Variants in CARHSP1 observed in about 807,000 individuals in gnomAD.
CARHSP1 encodes the protein calcium-regulated heat-stable protein 1.
CARHSP1 carries 14 observed loss-of-function variants against 12.5 expected under a neutral mutation model. The ratio of observed to expected loss-of-function variants is 1.12; its 90% confidence interval spans 0.74 to 1.75. The LOEUF is 1.75. Among genes scored for constraint, CARHSP1 ranks in the 40% most tolerant of loss-of-function variants. The pLI is 0.00. For synonymous variants in CARHSP1, 161 were observed against 82.0 expected, an observed-to-expected ratio of 1.96 and a Z score of -5.20; for missense variants, 343 against 201.6, an observed-to-expected ratio of 1.70 and a Z score of -4.25.
At chr16:8,866,589 G>A (rs2061459504) in intron 1 of CARHSP1, 1 of 326,872 alleles carries the variant, frequency 3.1e-6, no homozygotes, top group Non-Finnish European at 4.4e-6. Flanking sequence ...AGCGATAGAG[G>A]CCGAGAACGA....
chr16:8,861,989 CTTTTTT>C (rs537614451), intron 1 of CARHSP1, among the ~76,000 whole-genome samples: 1,951 of 79,772 alleles, frequency 0.024, 57 homozygotes, highest in African/African-American at 0.073. Flanking sequence ...GCATAGCTGA[CTTTTTT>C]TTTTTTTTTT....
intron 2 of CARHSP1, 156 bp from the exon 3 acceptor site, chr16:8,858,628 G>T (rs892663991): frequency 1.1e-6 from 1 of 900,244 alleles, no homozygotes; most frequent in East Asian, 2.7e-5. Flanking sequence ...TCAACCCTGG[G>T]AGCCGCTCAC....
chr16:8,853,351 C>G lies in CARHSP1; in HGVS notation c.*1813G>C, dbSNP rs2060998205. On this transcript the variant is annotated 3_prime_UTR_variant, in exon 4 of 4. Coordinates refer to ENST00000311052, the MANE Select transcript of CARHSP1 (RefSeq NM_014316.4). Reference sequence around the variant, plus strand: ...TTCAAGGCTGGAGAGAAAAGGCCACCTTTGACCCAGCAGAAGGCAGAGGCG... The same window carrying G: ...TTCAAGGCTGGAGAGAAAAGGCCACGTTTGACCCAGCAGAAGGCAGAGGCG... The G allele has an allele frequency of 6.6e-6, 1 of 152,212 alleles. No homozygotes were observed. The highest frequency in any genetic ancestry group is 1.5e-5 in the Non-Finnish European group (1 of 68,162). 9.4% of individuals were successfully genotyped at this position (152,212 alleles called of 1,614,324 possible). A position where few individuals can be genotyped will look rare whatever the true frequency, so the allele number is the denominator to read the frequency against.
intron 1 of CARHSP1, chr16:8,860,532 C>G: frequency 1.1e-5 from 11 of 985,412 alleles, no homozygotes; most frequent in Non-Finnish European, 1.3e-5. Context: ...GTCAGAGGCC[C>G]TTGGGTAAGT....
At chr16:8,857,664 A>G (rs1460820348) in intron 3 of CARHSP1, 1 of 145,204 alleles carries the variant, frequency 6.9e-6, no homozygotes, top group Non-Finnish European at 1.5e-5. Flanking sequence ...ATGTCGGCTC[A>G]CTGCAACCTC....
At chr16:8,861,288 G>A (rs565317744) in intron 1 of CARHSP1, among the ~76,000 whole-genome samples, 13 of 144,214 alleles carry the variant, frequency 9.0e-5, no homozygotes, top group African/African-American at 3.3e-4. Context: ...CAAAGTGCTA[G>A]GATTACAGGC....
rs979200706 is a variant in CARHSP1, at chr16:8,853,212, G to A, written c.*1952C>T. ...GCTGACAAAGGATTCTGCCAAGACA[G>A]AATCCCAGGGTCACAGGAGAGAGGC... On this transcript the variant is annotated 3_prime_UTR_variant, in exon 4 of 4. Transcript: ENST00000311052. 3 of 152,148 alleles carry A rather than the reference G, an allele frequency of 2.0e-5. No homozygotes were observed. Among genetic ancestry groups the A allele is most frequent in the African/African-American group, 7.2e-5 (3 of 41,402 alleles). The allele number at this position is 152,148 out of a possible 1,614,324, so 9.4% of individuals were successfully genotyped here.
chr16:8,861,783 A>T, intron 1 of CARHSP1: 1 of 1,266,606 alleles, frequency 7.9e-7, no homozygotes, highest in Non-Finnish European at 1.0e-6. Flanking sequence ...CGCATGACCT[A>T]CCAGCACAGG....
In CARHSP1 at chr16:8,853,965, A is replaced by G. The variant is rs1469002485; in HGVS notation, c.*1199T>C. ...ACCGGGTGTGGTGGCGCATGCCTGT[A>G]ATCCCAGCTACTCAGGAGACTGAGG... On this transcript the variant is annotated 3_prime_UTR_variant, in exon 4 of 4. Coordinates refer to ENST00000311052, the MANE Select transcript of CARHSP1 (RefSeq NM_014316.4). The G allele has an allele frequency of 6.6e-6, 1 of 152,218 alleles. No homozygotes were observed. The highest frequency in any genetic ancestry group is 1.9e-4 in the East Asian group (1 of 5,186). The allele number at this position is 152,218 out of a possible 1,614,324, so 9.4% of individuals were successfully genotyped here. A position where few individuals can be genotyped will look rare whatever the true frequency, so the allele number is the denominator to read the frequency against.
At chr16:8,865,400 G>A (rs770878748) in intron 1 of CARHSP1, among the ~76,000 whole-genome samples, 5 of 152,108 alleles carry the variant, frequency 3.3e-5, no homozygotes, top group Non-Finnish European at 4.4e-5. Flanking sequence ...ATGAGCCACC[G>A]TGCCCAGCCA....
In CARHSP1 at chr16:8,857,274, T is replaced by TTTTTTTG. The variant is rs2061157398; in HGVS notation, c.281+1075_281+1076insCAAAAAA. On this transcript the variant is annotated intron_variant, in intron 3 of 3. Coordinates refer to ENST00000311052, the MANE Select transcript of CARHSP1 (RefSeq NM_014316.4). ...TCTTGGGCAGATCTGTTTTTTTTTT[T>TTTTTTTG]TTTTTTTTTTTTTTTTTTTTTTTTT... Among the ~76,000 whole-genome samples, 5 of 97,524 alleles carry TTTTTTTG rather than the reference T, an allele frequency of 5.1e-5. 1 individual carries two copies. Among genetic ancestry groups the TTTTTTTG allele is most frequent in the South Asian group, 7.6e-4 (2 of 2,620 alleles). 64.0% of individuals were successfully genotyped at this position (97,524 alleles called of 152,430 possible).
rs371479986 is a variant in CARHSP1 at position 8,866,386 on chromosome 16, G to T, written c.-8+2580C>A. On this transcript the variant is annotated intron_variant, in intron 1 of 3. Transcript: ENST00000311052. Reference sequence around the variant, plus strand: ...GGAGGTGGAAGGGAAATGGCGCAGGGATCGGGGTGAGACTCTAGCAGAGTA... The same window carrying T: ...GGAGGTGGAAGGGAAATGGCGCAGGTATCGGGGTGAGACTCTAGCAGAGTA... The T allele has an allele frequency of 1.2e-5, 12 of 960,566 alleles. No homozygotes were observed. In the African/African-American group the frequency reaches 1.8e-4, roughly 14 times the overall value. The allele number at this position is 960,566 out of a possible 1,614,324, so 59.5% of individuals were successfully genotyped here.
At chr16:8,858,511 C>G (rs371399625) in intron 2 of CARHSP1, 39 bp from the exon 3 acceptor site, 1 of 1,605,222 alleles carries the variant, frequency 6.2e-7, no homozygotes, top group Admixed American at 1.7e-5. Flanking sequence ...CCCATCAGCG[C>G]TCCTGGGCAC....
chr16:8,857,095 G>C (rs1302961244), intron 3 of CARHSP1, among the ~76,000 whole-genome samples: 1 of 152,010 alleles, frequency 6.6e-6, no homozygotes, highest in Non-Finnish European at 1.5e-5. Context: ...CAGCCTCATG[G>C]GGTGTCCTTG....
Position 8,854,691 on chromosome 16 carries a change from G to T in CARHSP1, c.*473C>A, listed in dbSNP as rs924173274. On this transcript the variant is annotated 3_prime_UTR_variant, in exon 4 of 4. Coordinates refer to ENST00000311052, the MANE Select transcript of CARHSP1 (RefSeq NM_014316.4). ...ACTGCTTTGCCCAGGCCCCAGGAGA[G>T]GCGCAAGGGGCACTTAGGTGGAAAT... 1 of 153,218 alleles carries T rather than the reference G, an allele frequency of 6.5e-6. No individual in the cohort carries two copies. The highest frequency in any genetic ancestry group is 6.5e-5 in the Admixed American group (1 of 15,274). The allele number at this position is 153,218 out of a possible 1,614,324, so 9.5% of individuals were successfully genotyped here. A position where few individuals can be genotyped will look rare whatever the true frequency, so the allele number is the denominator to read the frequency against.
At position 8,853,769 on chromosome 16, in the gene CARHSP1, T is replaced by A. The variant is rs1281806517; in HGVS notation, c.*1395A>T. The A allele has an allele frequency of 6.6e-6, 1 of 152,140 alleles. No homozygotes were observed. The highest frequency in any genetic ancestry group is 1.5e-5 in the Non-Finnish European group (1 of 68,018). The allele number at this position is 152,140 out of a possible 1,614,324, so 9.4% of individuals were successfully genotyped here. On this transcript the variant is annotated 3_prime_UTR_variant, in exon 4 of 4. Transcript: ENST00000311052. ...AACCACAGCAAAGATAACCTAAGGA[T>A]TTGTTTACCAGAAATACCTACAAAA...
In CARHSP1 at chr16:8,855,033, G is replaced by A. The variant is rs1341734789; in HGVS notation, c.*131C>T. The A allele has an allele frequency of 6.9e-6, 4 of 583,730 alleles. No homozygotes were observed. Among genetic ancestry groups the A allele is most frequent in the Non-Finnish European group, 1.0e-5 (4 of 386,958 alleles). 36.2% of individuals were successfully genotyped at this position (583,730 alleles called of 1,614,324 possible). Reference sequence around the variant, plus strand: ...CCTGCCCCCCATACCCCTTCCTCCAGGAGATACTTGAGAGGGACCATGCCC... The same window carrying A: ...CCTGCCCCCCATACCCCTTCCTCCAAGAGATACTTGAGAGGGACCATGCCC... On this transcript the variant is annotated 3_prime_UTR_variant, in exon 4 of 4. Transcript: ENST00000311052.
At position 8,858,015 on chromosome 16, in the gene CARHSP1, G is replaced by A. The variant is rs548450315; in HGVS notation, c.281+335C>T. The A allele has an allele frequency of 3.4e-4, 82 of 242,794 alleles. No individual in the cohort carries two copies. The East Asian group carries it at 6.8e-3, about 20-fold the overall frequency. The allele number at this position is 242,794 out of a possible 1,614,324, so 15.0% of individuals were successfully genotyped here. ...CCTGACCTCGTGATCCACCCACCTC[G>A]GCCTCCCAAAGTGCTGGGATTACAG... On this transcript the variant is annotated intron_variant, in intron 3 of 3. Coordinates refer to ENST00000311052, the MANE Select transcript of CARHSP1 (RefSeq NM_014316.4).
rs1272077486 is a variant in CARHSP1 at position 8,853,482 on chromosome 16, A to ATGCT, written c.*1681_*1682insAGCA. 14 of 152,262 alleles carry ATGCT rather than the reference A, an allele frequency of 9.2e-5. No individual in the cohort carries two copies. The highest frequency in any genetic ancestry group is 8.5e-4 in the Admixed American group (13 of 15,286). The allele number at this position is 152,262 out of a possible 1,614,324, so 9.4% of individuals were successfully genotyped here. A position where few individuals can be genotyped will look rare whatever the true frequency, so the allele number is the denominator to read the frequency against. ...TTGTCTCCACACACTCGCAATCAACATGCGTATTTGCTATTCTCAAACAAC... is the reference window on the plus strand; with the variant it reads ...TTGTCTCCACACACTCGCAATCAACATGCTTGCGTATTTGCTATTCTCAAACAAC... On this transcript the variant is annotated 3_prime_UTR_variant, in exon 4 of 4. Coordinates refer to ENST00000311052, the MANE Select transcript of CARHSP1 (RefSeq NM_014316.4).
Sources: allele counts gnomAD v4.1 joint callset (sites outside exome capture counted in the v4.1 genomes callset), GRCh38; gene constraint gnomAD v4.1.1; transcripts MANE v1.5; gene names NCBI Gene and HGNC (gene_info 2026-07-23, HGNC 2026-07-21).